Variants in CUL2 observed in about 807,000 individuals in gnomAD.
CUL2 encodes cullin-2.
A neutral mutation model predicts 110.2 loss-of-function variants in CUL2; 22 were observed. The observed-to-expected ratio is 0.20, with a 90% CI of 0.14 to 0.28. The LOEUF is 0.28. Among genes scored for constraint, CUL2 ranks in the 10% least tolerant of loss-of-function variants. CUL2 has a pLI of 1.00. For missense variants in CUL2, 631 were observed against 905.5 expected (o/e 0.70, Z 3.89); for synonymous variants, 279 against 293.2 (o/e 0.95, Z 0.49).
chr10:35,038,485 C>T (rs374107777), intron 9 of CUL2, among the ~76,000 whole-genome samples: 34 of 124,746 alleles, frequency 2.7e-4, no homozygotes, highest in African/African-American at 8.3e-4. Context: ...AAGAGCACGC[C>T]GCTGCACTCC....
At chr10:35,043,493 C>T (rs1324025365) in intron 8 of CUL2, among the ~76,000 whole-genome samples, 1 of 152,256 alleles carries the variant, frequency 6.6e-6, no homozygotes, top group Admixed American at 6.5e-5. Flanking sequence ...AACAGTGTAT[C>T]GGTAAGCACG....
intron 17 of CUL2, among the ~76,000 whole-genome samples, chr10:35,016,942 AC>A (rs374911422): frequency 5.3e-5 from 8 of 151,130 alleles, no homozygotes; most frequent in Non-Finnish European, 1.2e-4. Context: ...AAAAAAAAAA[AC>A]AAAAAAAAAA....
chr10:35,118,627 T>C (rs1373873168), intron 1 of CUL2: 2 of 152,258 alleles, frequency 1.3e-5, no homozygotes, highest in African/African-American at 4.8e-5. Flanking sequence ...TAGCTAGTTC[T>C]ACGTATTGTT....
rs56140666 is a variant in CUL2 at position 35,107,881 on chromosome 10, CAAAAAAAAAAAA to C, written c.-50-6833_-50-6822del. ...TGGGCAACAGAGCGAGACTCCATCT[CAAAAAAAAAAAA>C]AAAAAAAAAAAAAAAAAGTAGAAGA... On this transcript the variant is annotated intron_variant, in intron 1 of 5. Transcript: ENST00000685421. Among the ~76,000 whole-genome samples, 3 of 42,102 alleles carry C rather than the reference CAAAAAAAAAAAA, an allele frequency of 7.1e-5. No homozygotes were observed. The Admixed American group carries it at 1.3e-3, about 18-fold the overall frequency. The allele number at this position is 42,102 out of a possible 152,430, so 27.6% of individuals were successfully genotyped here.
At chr10:35,067,637 G>A (rs75886007) in intron 2 of CUL2, among the ~76,000 whole-genome samples, 3,115 of 151,972 alleles carry the variant, frequency 0.02, 60 homozygotes, top group Non-Finnish European at 0.032. Context: ...CCAGCTACAC[G>A]GGAGGATGAG....
chr10:35,022,659 C>A (rs2085231555), intron 17 of CUL2, among the ~76,000 whole-genome samples: 2 of 152,070 alleles, frequency 1.3e-5, no homozygotes, highest in South Asian at 4.2e-4. Flanking sequence ...AAATGTTGAT[C>A]AAAGGGGACA....
chr10:35,067,246 A>G (rs1258609597), intron 2 of CUL2, among the ~76,000 whole-genome samples: 1 of 152,140 alleles, frequency 6.6e-6, no homozygotes, highest in Non-Finnish European at 1.5e-5. Flanking sequence ...AGGGAAGGCA[A>G]TATTAAGTCT....
At chr10:35,121,346 G>C (rs972867470) in intron 1 of CUL2, among the ~76,000 whole-genome samples, 2 of 152,134 alleles carry the variant, frequency 1.3e-5, no homozygotes, top group African/African-American at 4.8e-5. Flanking sequence ...TCCTGCCTCA[G>C]CCTCCCAAGT....
Position 35,072,380 on chromosome 10 carries a change from T to C in CUL2, c.-22-1041A>G, listed in dbSNP as rs201250299. Among the ~76,000 whole-genome samples the C allele has an allele frequency of 4.2e-3, 633 of 151,980 alleles. 2 individuals carry two copies. Among genetic ancestry groups the C allele is most frequent in the Non-Finnish European group, 5.7e-3 (387 of 67,916 alleles). On this transcript the variant is annotated intron_variant, in intron 1 of 20. Coordinates refer to ENST00000374749, the MANE Select transcript of CUL2 (RefSeq NM_003591.4). ...CCAGTGAACTTAATGGGCTTTTTTT[T>C]TTTTTTGAGACAGAGTCTCACTCTG...
upstream of CUL2, among the ~76,000 whole-genome samples, chr10:35,091,048 T>C (rs2087196426): frequency 2.0e-5 from 3 of 152,184 alleles, no homozygotes; most frequent in Admixed American, 1.3e-4. Flanking sequence ...ATAAAGAAAC[T>C]TCACATCTTT....
intron 6 of CUL2, 91 bp downstream of exon 6, chr10:35,049,592 C>A (rs752468137): frequency 1.0e-6 from 1 of 977,130 alleles, no homozygotes. Context: ...AGCCCCAAGG[C>A]TAGTCACTGG....
At chr10:35,098,276 T>C (rs566176459) in intron 2 of CUL2, among the ~76,000 whole-genome samples, 2 of 152,338 alleles carry the variant, frequency 1.3e-5, no homozygotes, top group South Asian at 4.1e-4. Context: ...AAGCCCACTA[T>C]TTGAGATAGA....
At chr10:35,114,264 A>C (rs553285797) in intron 1 of CUL2, among the ~76,000 whole-genome samples, 15 of 151,324 alleles carry the variant, frequency 9.9e-5, no homozygotes, top group Admixed American at 7.3e-4. Flanking sequence ...GTGTTTCCCC[A>C]TGTTGGCCAG....
At chr10:35,069,088 C>T (rs184696265) in intron 2 of CUL2, among the ~76,000 whole-genome samples, 155 of 152,196 alleles carry the variant, frequency 1.0e-3, no homozygotes, top group African/African-American at 3.0e-3. Context: ...AGGCTGGTCT[C>T]GAACTCCTGA....
intron 1 of CUL2, chr10:35,120,016 C>CAAAAAAA (rs2087659460): frequency 6.6e-6 from 1 of 152,162 alleles, no homozygotes; most frequent in Non-Finnish European, 1.5e-5. Flanking sequence ...AAACGTTTGG[C>CAAAAAAA]CCCAATTTCT....
chr10:35,085,692 G>C (rs2087045983), intron 1 of CUL2, among the ~76,000 whole-genome samples: 1 of 121,810 alleles, frequency 8.2e-6, no homozygotes, highest in African/African-American at 3.2e-5. Context: ...GCCAGACTCT[G>C]TCTCAAAAAA....
intron 17 of CUL2, among the ~76,000 whole-genome samples, chr10:35,017,610 T>C (rs1272434223): frequency 6.6e-6 from 1 of 151,658 alleles, no homozygotes; most frequent in African/African-American, 2.4e-5. Context: ...ATAAGAATCC[T>C]TGAACCTGGG....
intron 1 of CUL2, among the ~76,000 whole-genome samples, chr10:35,073,277 T>C (rs79714044): frequency 6.6e-6 from 1 of 151,844 alleles, no homozygotes; most frequent in Admixed American, 6.6e-5. Flanking sequence ...AAGGTGAGAG[T>C]GGAGGAGGTG....
intron 1 of CUL2, among the ~76,000 whole-genome samples, chr10:35,125,214 A>G (rs2087735711): frequency 6.6e-6 from 1 of 152,230 alleles, no homozygotes; most frequent in South Asian, 2.1e-4. Flanking sequence ...AGGGTATAGC[A>G]GAGGCCATGA....
Sources: gnomAD v4.1 joint callset for allele counts (sites outside exome capture counted in the v4.1 genomes callset) on GRCh38, gnomAD v4.1.1 for gene constraint, MANE v1.5 for transcripts, NCBI Gene and HGNC (gene_info 2026-07-23, HGNC 2026-07-21) for gene names.